Variants in CELF5 observed in about 807,000 individuals in gnomAD.
The protein encoded by CELF5 is CUG-BP and ETR-3 like factor 5.
CELF5 carries 6 observed loss-of-function variants against 54.9 expected under a neutral mutation model. The observed-to-expected ratio is 0.11, with a 90% CI of 0.06 to 0.22. The LOEUF (loss-of-function observed/expected upper bound fraction) is 0.22, where lower values mean the gene tolerates loss of function less well. CELF5 is among the 10% of genes least tolerant of loss of function. The pLI, the probability that CELF5 is intolerant of heterozygous loss-of-function variation, is 1.00. For synonymous variants in CELF5, 271 were observed against 290.9 expected (o/e 0.93, Z 0.70); for missense variants, 401 against 678.6 (o/e 0.59, Z 4.54).
intron 1 of CELF5, among the ~76,000 whole-genome samples, chr19:3,227,001 G>A (rs569251517): frequency 1.5e-4 from 23 of 152,198 alleles, no homozygotes; most frequent in African/African-American, 5.1e-4. Flanking sequence ...TCCTTGGAGG[G>A]TGAGAATTGA....
At position 3,281,372 on chromosome 19, in the gene CELF5, G is replaced by A; in HGVS notation, c.750+27G>A. On this transcript the variant is annotated intron_variant, in intron 6 of 12. Transcript: ENST00000292672. The surrounding 1 kb of genome is among the most constrained non-coding windows in gnomAD (Gnocchi z 6.5). ...TGAGTGACCCAGTGACAGCTTCGGGGCTCCGGCTCCGTCTCTCTCAGTCTC... is the reference window on the plus strand; with the variant it reads ...TGAGTGACCCAGTGACAGCTTCGGGACTCCGGCTCCGTCTCTCTCAGTCTC... 1.3e-6 allele frequency: 2 copies of A among 1,581,918 alleles called. No individual in the cohort carries two copies. The highest frequency in any genetic ancestry group is 1.3e-5 in the African/African-American group (1 of 74,670).
intron 1 of CELF5, among the ~76,000 whole-genome samples, chr19:3,245,747 G>C (rs1280250370): frequency 6.6e-6 from 1 of 152,194 alleles, no homozygotes; most frequent in South Asian, 2.1e-4. Context: ...ATCAAGAATA[G>C]ACCATCACAT....
intron 2 of CELF5, among the ~76,000 whole-genome samples, chr19:3,263,827 AC>A (rs1372198002): frequency 6.9e-6 from 1 of 145,520 alleles, no homozygotes; most frequent in Non-Finnish European, 1.5e-5. Context: ...ATCGCTTGAA[AC>A]TGGGATATGG....
chr19:3,273,424 A>C (rs772149665), intron 2 of CELF5, among the ~76,000 whole-genome samples: 4 of 151,868 alleles, frequency 2.6e-5, no homozygotes, highest in Non-Finnish European at 4.4e-5. Context: ...CAGAGTTCCA[A>C]GAGTGGAAGC....
chr19:3,284,989 G>GC, intron 9 of CELF5, 25 bp downstream of exon 9: 1 of 1,523,118 alleles, frequency 6.6e-7, no homozygotes, highest in Non-Finnish European at 9.0e-7. Flanking sequence ...GCGTGCCCGC[G>GC]CTGGGCCCTG....
chr19:3,290,093 C>T (rs952999914), intron 10 of CELF5, 138 bp from the exon 11 acceptor site: 2 of 642,074 alleles, frequency 3.1e-6, no homozygotes, highest in Non-Finnish European at 5.5e-6. Context: ...GGCCAGGCCC[C>T]TTCTTTCTGG....
chr19:3,272,370 G>GA (rs899622358), intron 2 of CELF5, among the ~76,000 whole-genome samples: 5 of 147,250 alleles, frequency 3.4e-5, no homozygotes, highest in South Asian at 2.1e-4. Flanking sequence ...TCCGTCCCAA[G>GA]AAAAAAAAAG....
At chr19:3,283,333 T>G (rs893831306) in intron 8 of CELF5, among the ~76,000 whole-genome samples, 1 of 152,194 alleles carries the variant, frequency 6.6e-6, no homozygotes. Context: ...TTTCTAACTT[T>G]TTATTTTTTT....
In CELF5 at chr19:3,282,364, C is replaced by T. The variant is rs954041365; in HGVS notation, c.905C>T (p.Pro302Leu). 3.1e-6 allele frequency: 5 copies of T among 1,609,730 alleles called. No homozygotes were observed. Among genetic ancestry groups the T allele is most frequent in the Non-Finnish European group, 4.2e-6 (5 of 1,179,984 alleles). ...PIAPASGLHS[P>L]PLLGTTAVPG... is the part of the protein sequence containing the mutation. Reference sequence around the variant, plus strand: ...TTCCGCTCTGCAGGGCTGCACTCACCCCCGCTGCTGGGCACCACCGCTGTG... The same window carrying T: ...TTCCGCTCTGCAGGGCTGCACTCACTCCCGCTGCTGGGCACCACCGCTGTG... Residue 302 changes from proline to leucine, a missense_variant, in exon 8 of 13, where the codon CCC becomes CTC. Pro to Leu is a moderately conservative substitution (Grantham distance 98). Around this residue, in one of 6 missense-constraint regions of CELF5, gnomAD observed 143 missense variants for 147.6 expected, o/e 0.97. Transcript: ENST00000292672. The surrounding 1 kb of genome is among the most constrained non-coding windows in gnomAD (Gnocchi z 5.2).
chr19:3,295,843 A>AGGGG (rs148152865), intron 12 of CELF5: 3 of 148,006 alleles, frequency 2.0e-5, no homozygotes, highest in African/African-American at 7.5e-5. Context: ...TTTCCGTCGG[A>AGGGG]GGGGGGGGGC....
In CELF5 at chr19:3,228,076, G is replaced by C. The variant is rs890680045; in HGVS notation, c.259+3078G>C. On this transcript the variant is annotated intron_variant, in intron 1 of 12. Coordinates refer to ENST00000292672, the MANE Select transcript of CELF5 (RefSeq NM_021938.4). This position sits in a 1 kb window ranked among gnomAD's most constrained non-coding sequence, Gnocchi z 6.0. ...TGCGTCGAGGTGGTCTTCCGAAAGA[G>C]GGCAGGCCCTGGGGCGCTGGGTTTG... Among the ~76,000 whole-genome samples the C allele has an allele frequency of 6.6e-6, 1 of 152,104 alleles. No homozygotes were observed. Among genetic ancestry groups the C allele is most frequent in the African/African-American group, 2.4e-5 (1 of 41,400 alleles).
At chr19:3,289,717 T>TAAA (rs2080311965) in intron 10 of CELF5, among the ~76,000 whole-genome samples, 3 of 84,748 alleles carry the variant, frequency 3.5e-5, no homozygotes. Context: ...AAAAAAAAAT[T>TAAA]AGCAACGCAT....
In CELF5 at chr19:3,228,621, G is replaced by C. The variant is rs962498234; in HGVS notation, c.259+3623G>C. ...CGCTGGGGGACGGTGCAGGTGGGGG[G>C]GGGGCCCGGCGGGGGCCCGGGTGGG... On this transcript the variant is annotated intron_variant, in intron 1 of 12. Coordinates refer to ENST00000292672, the MANE Select transcript of CELF5 (RefSeq NM_021938.4). This position sits in a 1 kb window ranked among gnomAD's most constrained non-coding sequence, Gnocchi z 6.0. Among the ~76,000 whole-genome samples the C allele has an allele frequency of 7.9e-5, 12 of 152,002 alleles. No homozygotes were observed. Among genetic ancestry groups the C allele is most frequent in the South Asian group, 4.1e-4 (2 of 4,822 alleles).
chr19:3,277,984 T>C, intron 4 of CELF5, 47 bp from the exon 5 acceptor site: 1 of 1,517,012 alleles, frequency 6.6e-7, no homozygotes, highest in Admixed American at 1.7e-5. Context: ...GCTCAGCCAG[T>C]CCTGTGACCC....
intron 1 of CELF5, among the ~76,000 whole-genome samples, chr19:3,234,182 A>T (rs904588810): frequency 6.6e-6 from 1 of 151,980 alleles, no homozygotes; most frequent in Admixed American, 6.6e-5. Flanking sequence ...AGAGGAGGGG[A>T]GGTCAATTCA....
chr19:3,234,299 A>G (rs1568329018), intron 1 of CELF5, among the ~76,000 whole-genome samples: 1 of 151,416 alleles, frequency 6.6e-6, no homozygotes, highest in African/African-American at 2.4e-5. Context: ...GCATCTCACT[A>G]TGTTGCTAAG....
At chr19:3,245,582 A>G (rs1348921997) in intron 1 of CELF5, among the ~76,000 whole-genome samples, 1 of 151,750 alleles carries the variant, frequency 6.6e-6, no homozygotes, top group Non-Finnish European at 1.5e-5. Context: ...AAAAAAAAAA[A>G]AAGGAACCTA....
Position 3,224,871 on chromosome 19 carries a change from C to T in CELF5, c.132C>T (p.Ala44=), listed in dbSNP as rs1432775796. 4.4e-6 allele frequency: 7 copies of T among 1,607,650 alleles called. No individual in the cohort carries two copies. The highest frequency in any genetic ancestry group is 1.3e-5 in the African/African-American group (1 of 74,734). The change falls in exon 1 of 13, where the codon GCC becomes GCT. Residue 44 remains alanine, a synonymous_variant. Transcript: ENST00000292672. ...GQPDGMKDLD[A]IKLFVGQIPR... is the part of the protein sequence containing the mutation. ...CCGACGGCATGAAGGACCTGGACGCCATCAAACTCTTCGTGGGCCAGATCC... is the reference window on the plus strand; with the variant it reads ...CCGACGGCATGAAGGACCTGGACGCTATCAAACTCTTCGTGGGCCAGATCC...
Position 3,284,885 on chromosome 19 carries a change from CCT to C in CELF5, c.1040-14_1040-13del, listed in dbSNP as rs2080210185. 6.2e-7 allele frequency: 1 copy of C among 1,612,660 alleles called. No homozygotes were observed. The highest frequency in any genetic ancestry group is 8.5e-7 in the Non-Finnish European group (1 of 1,179,210). The stretch of plus-strand genomic sequence containing the variant: ...TCTGCTGCTCCCGCCCCACTCAGCC[CCT>C]CTGTCTGCCCGCAGCTCAGAGCCCG... On this transcript the variant is annotated splice_polypyrimidine_tract_variant and intron_variant, in intron 8 of 12. Coordinates refer to ENST00000292672, the MANE Select transcript of CELF5 (RefSeq NM_021938.4).
Sources: gnomAD v4.1 joint callset for allele counts (sites outside exome capture counted in the v4.1 genomes callset) on GRCh38, gnomAD v4.1.1 for gene constraint, gnomAD v4.1.1 regional missense constraint, Gnocchi (gnomAD v3.1) non-coding constraint, MANE v1.5 for transcripts, NCBI Gene and HGNC (gene_info 2026-07-23, HGNC 2026-07-21) for gene names.